Variants in DCDC1 observed in about 807,000 individuals in gnomAD.
DCDC1 encodes the protein doublecortin domain-containing protein 1.
DCDC1 carries 200 observed loss-of-function variants against 178.3 expected under a neutral mutation model. That is an observed-to-expected ratio of 1.12 (90% CI 1.00 to 1.26). The LOEUF (loss-of-function observed/expected upper bound fraction) is 1.26. Ranked by LOEUF, DCDC1 falls within the 50% of genes most tolerant of loss-of-function variation. DCDC1 has a pLI of 0.00. For missense variants in DCDC1, 1,983 were observed against 1,749.2 expected (o/e 1.13, Z -2.38); for synonymous variants, 690 against 604.8 (o/e 1.14, Z -2.07).
At chr11:30,942,399 T>G (rs186847655) in intron 21 of DCDC1, among the ~76,000 whole-genome samples, 1 of 151,960 alleles carries the variant, frequency 6.6e-6, no homozygotes, top group African/African-American at 2.4e-5. Context: ...GAAGCAAGGG[T>G]TGGGTAGGTG....
At chr11:31,137,621 T>G in intron 10 of DCDC1, 71 bp downstream of exon 10, 1 of 665,524 alleles carries the variant, frequency 1.5e-6, no homozygotes, top group Admixed American at 2.2e-5. Context: ...GTGCGGGGAT[T>G]ACAGGCGTAA....
intron 38 of DCDC1, among the ~76,000 whole-genome samples, chr11:30,874,539 G>A (rs1022660916): frequency 6.6e-6 from 1 of 152,114 alleles, no homozygotes; most frequent in Non-Finnish European, 1.5e-5. Context: ...GGGAGAAAAA[G>A]TAATGGAAAT....
chr11:31,152,754 C>A (rs1965301714), intron 9 of DCDC1, among the ~76,000 whole-genome samples: 1 of 152,180 alleles, frequency 6.6e-6, no homozygotes. Flanking sequence ...ACTGAGTCTT[C>A]CCATTTCATT....
chr11:31,132,881 A>G (rs934096961), intron 10 of DCDC1, among the ~76,000 whole-genome samples: 2 of 152,214 alleles, frequency 1.3e-5, no homozygotes, highest in Non-Finnish European at 2.9e-5. Context: ...GCAAAAAAAT[A>G]TTGAATATTC....
chr11:31,214,167 C>A (rs531026991), intron 9 of DCDC1, among the ~76,000 whole-genome samples: 166 of 152,006 alleles, frequency 1.1e-3, no homozygotes, highest in African/African-American at 3.5e-3. Flanking sequence ...GGCCTTGATT[C>A]TTTCTGTTGT....
chr11:31,070,271 C>G (rs1184415839), intron 18 of DCDC1, among the ~76,000 whole-genome samples: 1 of 152,180 alleles, frequency 6.6e-6, no homozygotes, highest in Non-Finnish European at 1.5e-5. Flanking sequence ...ATCGGAAACT[C>G]AAATTTTTCT....
chr11:30,905,278 T>C (rs1472155224), intron 30 of DCDC1, 114 bp from the exon 31 acceptor site: 1 of 1,084,578 alleles, frequency 9.2e-7, no homozygotes, highest in East Asian at 2.6e-5. Flanking sequence ...CATTTTGCAA[T>C]GCTCTCTTCA....
At chr11:31,210,356 G>A (rs1972348688) in intron 9 of DCDC1, among the ~76,000 whole-genome samples, 1 of 152,216 alleles carries the variant, frequency 6.6e-6, no homozygotes, top group African/African-American at 2.4e-5. Flanking sequence ...CGAAAGGAAT[G>A]TTTATTGACT....
intron 21 of DCDC1, among the ~76,000 whole-genome samples, chr11:30,939,274 G>A (rs574454302): frequency 2.8e-4 from 42 of 152,174 alleles, no homozygotes; most frequent in East Asian, 1.9e-3. Context: ...CAGAGAGAGC[G>A]GGCCACCTAA....
At chr11:31,061,864 T>C (rs1033347344) in intron 20 of DCDC1, among the ~76,000 whole-genome samples, 1 of 152,256 alleles carries the variant, frequency 6.6e-6, no homozygotes, top group East Asian at 1.9e-4. Flanking sequence ...ATAGGTCTTC[T>C]GGTATGGCAG....
intron 1 of DCDC1, among the ~76,000 whole-genome samples, chr11:31,349,379 A>C (rs1319012855): frequency 1.3e-5 from 2 of 152,168 alleles, no homozygotes; most frequent in African/African-American, 4.8e-5. Context: ...TCATCTATCC[A>C]TTCAATCAAC....
chr11:31,022,570 C>T (rs78654116), intron 20 of DCDC1, among the ~76,000 whole-genome samples: 3,592 of 150,734 alleles, frequency 0.024, 61 homozygotes, highest in African/African-American at 0.03. Flanking sequence ...AGTTTGATTC[C>T]CCTAATGTTA....
At chr11:31,077,223 C>T (rs1341281889) in intron 18 of DCDC1, among the ~76,000 whole-genome samples, 1 of 152,100 alleles carries the variant, frequency 6.6e-6, no homozygotes, top group Non-Finnish European at 1.5e-5. Context: ...AGAAACAGAC[C>T]TTGACTTGTT....
At chr11:31,013,741 TA>T (rs1324712257) in intron 20 of DCDC1, among the ~76,000 whole-genome samples, 1 of 152,238 alleles carries the variant, frequency 6.6e-6, no homozygotes, top group Non-Finnish European at 1.5e-5. Context: ...AATATACATG[TA>T]AATTTATAAT....
At chr11:31,052,086 T>C (rs961023505) in intron 20 of DCDC1, among the ~76,000 whole-genome samples, 9 of 152,146 alleles carry the variant, frequency 5.9e-5, no homozygotes, top group Admixed American at 4.6e-4. Context: ...ACCACCCTAC[T>C]ATCTGCTGCC....
intron 3 of DCDC1, among the ~76,000 whole-genome samples, chr11:31,308,814 T>A (rs1246977845): frequency 6.6e-6 from 1 of 152,292 alleles, no homozygotes; most frequent in South Asian, 2.1e-4. Context: ...TGATCACACA[T>A]AGAGGATAGT....
chr11:30,878,456 A>C (rs1942344415), intron 38 of DCDC1, 88 bp downstream of exon 38: 1 of 1,250,756 alleles, frequency 8.0e-7, no homozygotes, highest in Non-Finnish European at 1.1e-6. Flanking sequence ...CCTGTCTCAG[A>C]AAAGAAAGAG....
At chr11:31,269,996 A>T (rs1279001646) in intron 7 of DCDC1, among the ~76,000 whole-genome samples, 1 of 152,182 alleles carries the variant, frequency 6.6e-6, no homozygotes, top group East Asian at 1.9e-4. Flanking sequence ...AGACCCAAAA[A>T]TGTCAGTTCT....
At position 31,215,790 on chromosome 11, in the gene DCDC1, T is replaced by TA. The variant is rs746258622; in HGVS notation, c.1221+25659dup. ...CCTGGTGACAGAGCAAGACTCCATC[T>TA]AAAAAAAAAAAAAAATGGAGGCAGC... On this transcript the variant is annotated intron_variant, in intron 9 of 38. Transcript: ENST00000684477. 5.5e-3 allele frequency among the ~76,000 whole-genome samples: 726 copies of TA among 130,920 alleles called. 2 individuals carry two copies. The highest frequency in any genetic ancestry group is 7.2e-3 in the African/African-American group (255 of 35,184). The allele number at this position is 130,920 out of a possible 152,430, so 85.9% of individuals were successfully genotyped here.
Sources: gnomAD v4.1 joint callset for allele counts (sites outside exome capture counted in the v4.1 genomes callset) on GRCh38, gnomAD v4.1.1 for gene constraint, MANE v1.5 for transcripts, NCBI Gene and HGNC (gene_info 2026-07-23, HGNC 2026-07-21) for gene names.